CACNA1C: variants seen among roughly 807,000 people sequenced by gnomAD.
The protein encoded by CACNA1C is calcium voltage-gated channel subunit alpha1 C.
CACNA1C carries 30 observed loss-of-function variants against 229.0 expected under a neutral mutation model. The observed-to-expected ratio is 0.13, with a 90% CI of 0.10 to 0.18. The LOEUF (loss-of-function observed/expected upper bound fraction) is 0.18, where lower values mean the gene tolerates loss of function less well. Ranked by LOEUF, CACNA1C falls within the 10% of genes least tolerant of loss-of-function variation. The pLI is 1.00. For synonymous variants in CACNA1C, 1,114 were observed against 1,132.5 expected (o/e 0.98, Z 0.33); for missense variants, 1,658 against 2,845.0 (o/e 0.58, Z 9.49).
chr12:2,330,959 G>A (rs1210461055), intron 3 of CACNA1C, among the ~76,000 whole-genome samples: 1 of 152,114 alleles, frequency 6.6e-6, no homozygotes, highest in Non-Finnish European at 1.5e-5. Flanking sequence ...ATTGGGGATA[G>A]TTACAACTTT....
At chr12:2,457,737 T>C (rs778912329) in intron 5 of CACNA1C, 31 bp downstream of exon 5, 3 of 1,517,792 alleles carry the variant, frequency 2.0e-6, no homozygotes, top group Non-Finnish European at 2.7e-6. Context: ...TGTACAGTGT[T>C]ATCTCCTCAC....
intron 3 of CACNA1C, among the ~76,000 whole-genome samples, chr12:2,278,135 A>G (rs1250873882): frequency 6.6e-6 from 1 of 152,232 alleles, no homozygotes; most frequent in Non-Finnish European, 1.5e-5. Flanking sequence ...CCAAATATCC[A>G]GATGTTTTCT....
At position 2,067,307 on chromosome 12, in the gene CACNA1C, G is replaced by A. The variant is rs547984532; in HGVS notation, c.49+13696G>A. On this transcript the variant is annotated intron_variant, in intron 1 of 46. Transcript: ENST00000399655. This position sits in a 1 kb window ranked among gnomAD's most constrained non-coding sequence, Gnocchi z 5.3. ...GATTAGTCATCAGAATAGCCAATGG[G>A]CCCCTTGAGCTCTGAGTGGATGCAC... Among the ~76,000 whole-genome samples the A allele has an allele frequency of 2.6e-4, 39 of 152,170 alleles. 1 individual carries two copies. Among genetic ancestry groups the A allele is most frequent in the African/African-American group, 8.9e-4 (37 of 41,508 alleles).
At chr12:2,117,749 C>T (rs2154141537) in intron 2 of CACNA1C, among the ~76,000 whole-genome samples, 1 of 152,386 alleles carries the variant, frequency 6.6e-6, no homozygotes, top group Admixed American at 6.5e-5. Flanking sequence ...CACGCCGGAC[C>T]TGGATCCGGG....
rs1251588151 is a variant in CACNA1C, at chr12:2,124,085, G to T, written c.477+3655G>T. 2.7e-5 allele frequency among the ~76,000 whole-genome samples: 4 copies of T among 148,878 alleles called. No individual in the cohort carries two copies. In the East Asian group the frequency reaches 8.0e-4, roughly 30 times the overall value. ...CCTCCTTCCTGCTGTCCTCCCTCTGGTCTCTCCTTCCACTGGTCTAGCTCG... is the reference window on the plus strand; with the variant it reads ...CCTCCTTCCTGCTGTCCTCCCTCTGTTCTCTCCTTCCACTGGTCTAGCTCG... On this transcript the variant is annotated intron_variant, in intron 3 of 46. Transcript: ENST00000399655.
intron 5 of CACNA1C, among the ~76,000 whole-genome samples, chr12:2,471,783 A>G (rs1597351778): frequency 1.3e-5 from 2 of 152,250 alleles, no homozygotes; most frequent in Admixed American, 6.5e-5. Flanking sequence ...CCTGGGTTCA[A>G]GCAATTCTCT....
At chr12:2,328,493 TC>T (rs748980456) in intron 3 of CACNA1C, among the ~76,000 whole-genome samples, 64 of 152,298 alleles carry the variant, frequency 4.2e-4, no homozygotes, top group Middle Eastern at 6.8e-3. Flanking sequence ...CAAGTTTAGC[TC>T]CAAATGCAGC....
At chr12:2,217,598 A>C (rs1344436816) in intron 3 of CACNA1C, 3 of 152,178 alleles carry the variant, frequency 2.0e-5, no homozygotes, top group African/African-American at 7.2e-5. Flanking sequence ...CACACATTGA[A>C]TCTTACTTTC....
chr12:2,192,101 C>T (rs995769588), intron 3 of CACNA1C, among the ~76,000 whole-genome samples: 4 of 152,110 alleles, frequency 2.6e-5, no homozygotes, highest in African/African-American at 4.8e-5. Flanking sequence ...CACATGGGCG[C>T]GCACACACAC....
At chr12:2,162,552 C>T (rs2154249734) in intron 3 of CACNA1C, among the ~76,000 whole-genome samples, 1 of 152,092 alleles carries the variant, frequency 6.6e-6, no homozygotes, top group South Asian at 2.1e-4. Flanking sequence ...CACTGAATGT[C>T]CCTGAGAGTA....
At position 2,053,631 on chromosome 12, in the gene CACNA1C, C is replaced by T. The variant is rs775612512; in HGVS notation, c.49+20C>T. ...ACCAAGGTAAGGCTGGACCCCGCCG[C>T]CTCGCCGGGGCTCCCTGCCTTTTCC... On this transcript the variant is annotated intron_variant, in intron 1 of 46. Coordinates refer to ENST00000399655, the MANE Select transcript of CACNA1C (RefSeq NM_000719.7). The surrounding 1 kb of genome is among the most constrained non-coding windows in gnomAD (Gnocchi z 5.8). 1 of 1,575,952 alleles carries T rather than the reference C, an allele frequency of 6.3e-7. No homozygotes were observed. Among genetic ancestry groups the T allele is most frequent in the South Asian group, 1.2e-5 (1 of 85,396 alleles).
At chr12:2,579,406 C>G (rs1439597572) in intron 13 of CACNA1C, among the ~76,000 whole-genome samples, 1 of 152,000 alleles carries the variant, frequency 6.6e-6, no homozygotes, top group African/African-American at 2.4e-5. Context: ...GTTGCTGGTT[C>G]CCAACTCCCA....
intron 46 of CACNA1C, 155 bp from the exon 47 acceptor site, chr12:2,690,745 G>A (rs1164992797): frequency 3.4e-5 from 23 of 681,420 alleles, no homozygotes; most frequent in Non-Finnish European, 5.2e-5. Flanking sequence ...GTTCCCCATG[G>A]GTGCCCCTCC....
intron 3 of CACNA1C, among the ~76,000 whole-genome samples, chr12:2,193,456 A>G (rs1297516797): frequency 1.5e-5 from 1 of 66,708 alleles, no homozygotes; most frequent in Non-Finnish European, 3.8e-5. Flanking sequence ...CCCTGTCTCA[A>G]AAAAAAACAA....
At chr12:2,176,537 T>C (rs1296120917) in intron 3 of CACNA1C, among the ~76,000 whole-genome samples, 3 of 148,178 alleles carry the variant, frequency 2.0e-5, no homozygotes, top group Non-Finnish European at 3.0e-5. Flanking sequence ...CTGGTCAAGC[T>C]TCCTTCCATG....
chr12:2,696,677 T>C lies in CACNA1C; in HGVS notation c.*5478T>C, dbSNP rs1189535064. 1 of 151,214 alleles carries C rather than the reference T, an allele frequency of 6.6e-6. No homozygotes were observed. Among genetic ancestry groups the C allele is most frequent in the African/African-American group, 2.4e-5 (1 of 41,038 alleles). 9.4% of individuals were successfully genotyped at this position (151,214 alleles called of 1,614,324 possible). ...AGAGGGTCATTTCTATGTGAGGAAATGCAGAAATGGACAGAATGATTCTTA... is the reference window on the plus strand; with the variant it reads ...AGAGGGTCATTTCTATGTGAGGAAACGCAGAAATGGACAGAATGATTCTTA... On this transcript the variant is annotated 3_prime_UTR_variant, in exon 47 of 47. Coordinates refer to ENST00000399655, the MANE Select transcript of CACNA1C (RefSeq NM_000719.7).
At chr12:2,005,471 T>C (rs769382700) in intron 1 of CACNA1C, among the ~76,000 whole-genome samples, 3 of 152,164 alleles carry the variant, frequency 2.0e-5, no homozygotes, top group Non-Finnish European at 4.4e-5. Context: ...TTTCTGAAAA[T>C]AAATAAAGTG....
At chr12:2,146,978 GGAGA>G (rs747499825) in intron 3 of CACNA1C, among the ~76,000 whole-genome samples, 1 of 150,978 alleles carries the variant, frequency 6.6e-6, no homozygotes, top group African/African-American at 2.4e-5. Flanking sequence ...CACAGGCAAA[GGAGA>G]GAGGACAGAC....
At chr12:1,981,636 T>C (rs965029561) in intron 1 of CACNA1C, among the ~76,000 whole-genome samples, 23 of 152,224 alleles carry the variant, frequency 1.5e-4, no homozygotes, top group Admixed American at 1.4e-3. Context: ...ATATAGCTTA[T>C]TCGTTACTGC....
Sources: allele counts gnomAD v4.1 joint callset (sites outside exome capture counted in the v4.1 genomes callset), GRCh38; gene constraint gnomAD v4.1.1; non-coding constraint Gnocchi (gnomAD v3.1); transcripts MANE v1.5; gene names NCBI Gene and HGNC (gene_info 2026-07-23, HGNC 2026-07-21).